Variants in FGF12 observed in about 807,000 individuals in gnomAD.
The protein encoded by FGF12 is fibroblast growth factor 12B.
In FGF12, 14 loss-of-function variants were observed where a neutral mutation model predicts 23.6. The ratio of observed to expected loss-of-function variants is 0.59; its 90% CI spans 0.39 to 0.93. The LOEUF (loss-of-function observed/expected upper bound fraction) is 0.93. Among genes scored for constraint, FGF12 ranks in the 40% least tolerant of loss-of-function variants. The pLI is 0.00. For missense variants in FGF12, 175 were observed against 217.8 expected (o/e 0.80, Z 1.24); for synonymous variants, 62 against 77.3 (o/e 0.80, Z 1.04).
chr3:192,548,456 T>C (rs1725551393), intron 2 of FGF12, among the ~76,000 whole-genome samples: 1 of 152,248 alleles, frequency 6.6e-6, no homozygotes, highest in Non-Finnish European at 1.5e-5. Flanking sequence ...ACTCACAACA[T>C]AATTACTCAA....
intron 2 of FGF12, among the ~76,000 whole-genome samples, chr3:192,653,619 C>T: frequency 6.6e-6 from 1 of 151,980 alleles, no homozygotes; most frequent in East Asian, 1.9e-4. Flanking sequence ...GTATAAAAAC[C>T]TTGAAGCAAA....
chr3:192,607,865 AAAG>A (rs1164034773), intron 2 of FGF12, among the ~76,000 whole-genome samples: 25 of 137,334 alleles, frequency 1.8e-4, no homozygotes, highest in East Asian at 4.5e-4. Flanking sequence ...AAAAAAAAAA[AAAG>A]AAGAAGAAGA....
intron 2 of FGF12, among the ~76,000 whole-genome samples, chr3:192,446,516 A>T (rs944610042): frequency 2.0e-5 from 3 of 152,242 alleles, no homozygotes; most frequent in African/African-American, 7.2e-5. Context: ...GACAACATGT[A>T]TCAAATTGGG....
intron 2 of FGF12, among the ~76,000 whole-genome samples, chr3:192,572,421 G>A (rs193050011): frequency 4.5e-4 from 69 of 152,240 alleles, no homozygotes; most frequent in Admixed American, 4.3e-3. Context: ...TGATGAGCAG[G>A]CAGGTGATTT....
intron 4 of FGF12, among the ~76,000 whole-genome samples, chr3:192,198,673 T>A (rs1267678027): frequency 2.6e-5 from 4 of 152,176 alleles, no homozygotes; most frequent in Non-Finnish European, 5.9e-5. Context: ...AATCTGATGT[T>A]CTCCAAATTC....
intron 2 of FGF12, among the ~76,000 whole-genome samples, chr3:192,389,822 T>C (rs1720216081): frequency 6.6e-6 from 1 of 152,204 alleles, no homozygotes; most frequent in South Asian, 2.1e-4. Flanking sequence ...GAAATAAATA[T>C]TATATGTCTG....
At chr3:192,644,309 G>C (rs192061786) in intron 2 of FGF12, among the ~76,000 whole-genome samples, 5 of 152,190 alleles carry the variant, frequency 3.3e-5, no homozygotes, top group African/African-American at 1.2e-4. Context: ...CAGATTTTCA[G>C]ATCTGGCCTT....
At chr3:192,648,441 T>C (rs763340174) in intron 2 of FGF12, among the ~76,000 whole-genome samples, 1 of 152,080 alleles carries the variant, frequency 6.6e-6, no homozygotes, top group South Asian at 2.1e-4. Flanking sequence ...TATGGTCAAT[T>C]CTCAACTATC....
Position 192,552,059 on chromosome 3 carries a change from GA to G in FGF12, c.13+175121del, listed in dbSNP as rs1380996010. On this transcript the variant is annotated intron_variant, in intron 2 of 5. Transcript: ENST00000445105. ...TAATATATTCACAATGCTGAGTTGG[GA>G]AATCTCAGGAGAGAAAAGAAAACTA... Among the ~76,000 whole-genome samples, 5 of 152,106 alleles carry G rather than the reference GA, an allele frequency of 3.3e-5. No individual in the cohort carries two copies. In the East Asian group the frequency reaches 9.7e-4, roughly 29 times the overall value.
rs113372828 is a variant in FGF12 at position 192,711,969 on chromosome 3, T to A, written c.13+15212A>T. Among the ~76,000 whole-genome samples the A allele has an allele frequency of 4.2e-3, 577 of 138,832 alleles. 1 individual carries two copies. The highest frequency in any genetic ancestry group is 6.4e-3 in the Non-Finnish European group (412 of 64,120). 91.1% of individuals were successfully genotyped at this position (138,832 alleles called of 152,430 possible). ...AAAAAAAAAAAAAAAAAAATGTAAATCATAATTATTCTCAGCAAAGTATTA... is the reference window on the plus strand; with the variant it reads ...AAAAAAAAAAAAAAAAAAATGTAAAACATAATTATTCTCAGCAAAGTATTA... On this transcript the variant is annotated intron_variant, in intron 2 of 5. Transcript: ENST00000445105.
At chr3:192,175,088 G>A (rs889621238) in intron 4 of FGF12, among the ~76,000 whole-genome samples, 1 of 152,112 alleles carries the variant, frequency 6.6e-6, no homozygotes, top group Non-Finnish European at 1.5e-5. Context: ...ATAATCTAAA[G>A]CTTTTGGTAA....
chr3:192,481,533 A>C (rs1441970066), intron 2 of FGF12, among the ~76,000 whole-genome samples: 1 of 152,200 alleles, frequency 6.6e-6, no homozygotes, highest in Non-Finnish European at 1.5e-5. Context: ...AATTAATAAT[A>C]ATTCTCTGGC....
chr3:192,524,748 T>C (rs191638031), intron 2 of FGF12, among the ~76,000 whole-genome samples: 1 of 152,224 alleles, frequency 6.6e-6, no homozygotes, highest in East Asian at 1.9e-4. Flanking sequence ...TTGTGCATTA[T>C]TTTTCTATCC....
chr3:192,337,120 G>T (rs1354898325), intron 3 of FGF12, among the ~76,000 whole-genome samples: 1 of 152,132 alleles, frequency 6.6e-6, no homozygotes, highest in African/African-American at 2.4e-5. Flanking sequence ...ACAAAGTCTA[G>T]TTGGGGAGAA....
At chr3:192,547,591 G>A (rs1027974039) in intron 2 of FGF12, among the ~76,000 whole-genome samples, 1 of 152,150 alleles carries the variant, frequency 6.6e-6, no homozygotes, top group Non-Finnish European at 1.5e-5. Context: ...ACAAATTATA[G>A]CTTATGTTGC....
intron 5 of FGF12, among the ~76,000 whole-genome samples, chr3:192,161,550 G>A (rs1714884740): frequency 6.7e-6 from 1 of 150,138 alleles, no homozygotes; most frequent in Admixed American, 6.6e-5. Flanking sequence ...CATCACATTT[G>A]TAGTAGGAAA....
chr3:192,494,010 G>A (rs527706385), intron 2 of FGF12, among the ~76,000 whole-genome samples: 2 of 152,260 alleles, frequency 1.3e-5, no homozygotes, highest in African/African-American at 2.4e-5. Context: ...TGACAGAACA[G>A]CACGTACCTA....
At chr3:192,596,666 A>G (rs1827546) in intron 2 of FGF12, among the ~76,000 whole-genome samples, 50,169 of 152,110 alleles carry the variant, frequency 0.33, 8,583 homozygotes, top group African/African-American at 0.41. Context: ...TAGATTAAAA[A>G]TGCCATGAGG....
intron 2 of FGF12, among the ~76,000 whole-genome samples, chr3:192,517,247 A>G (rs895190032): frequency 2.0e-5 from 3 of 152,366 alleles, no homozygotes; most frequent in Admixed American, 6.5e-5. Flanking sequence ...CAAGAGTTCA[A>G]TTAGGTAAAA....
Sources: allele counts gnomAD v4.1 joint callset (sites outside exome capture counted in the v4.1 genomes callset), GRCh38; gene constraint gnomAD v4.1.1; transcripts MANE v1.5; gene names NCBI Gene and HGNC (gene_info 2026-07-23, HGNC 2026-07-21).